PRR14L: variants seen among roughly 807,000 people sequenced by gnomAD.
PRR14L encodes the protein proline rich 14 like, also known as protein PRR14L.
Under a neutral mutation model 155.0 loss-of-function variants are expected in PRR14L, and 80 were observed. The ratio of observed to expected loss-of-function variants is 0.52; its 90% CI spans 0.43 to 0.62. The LOEUF is 0.62. Among genes scored for constraint, PRR14L ranks in the 20% least tolerant of loss-of-function variants. The pLI is 0.00. For synonymous variants in PRR14L, 883 were observed against 916.0 expected (o/e 0.96, Z 0.65); for missense variants, 2,469 against 2,548.0 (o/e 0.97, Z 0.67).
chr22:31,682,509 T>C lies in PRR14L; in HGVS notation c.*3018A>G, dbSNP rs1312384556. 1 of 150,962 alleles carries C rather than the reference T, an allele frequency of 6.6e-6. No individual in the cohort carries two copies. Among genetic ancestry groups the C allele is most frequent in the Non-Finnish European group, 1.5e-5 (1 of 67,876 alleles). 9.4% of individuals were successfully genotyped at this position (150,962 alleles called of 1,614,324 possible). A position where few individuals can be genotyped will look rare whatever the true frequency, so the allele number is the denominator to read the frequency against. ...AGGTACAGCTGAACTCATGGAGACATGAAGCTGGAAAGGAGACCAAAAGCA... is the reference window on the plus strand; with the variant it reads ...AGGTACAGCTGAACTCATGGAGACACGAAGCTGGAAAGGAGACCAAAAGCA... On this transcript the variant is annotated 3_prime_UTR_variant, in exon 9 of 9. Coordinates refer to ENST00000327423, the MANE Select transcript of PRR14L (RefSeq NM_173566.3).
chr22:31,749,574 TTATC>T (rs2074860696), intron 1 of PRR14L, among the ~76,000 whole-genome samples: 1 of 152,244 alleles, frequency 6.6e-6, no homozygotes, highest in South Asian at 2.1e-4. Context: ...CATTTAGGGG[TTATC>T]TTTTACTCCT....
chr22:31,746,655 T>C (rs141163319), intron 1 of PRR14L, among the ~76,000 whole-genome samples: 1 of 152,258 alleles, frequency 6.6e-6, no homozygotes, highest in Non-Finnish European at 1.5e-5. Flanking sequence ...GTGTAGGGAA[T>C]GGATTTATTC....
intron 3 of PRR14L, among the ~76,000 whole-genome samples, chr22:31,722,722 T>C (rs1431562935): frequency 2.0e-5 from 3 of 151,942 alleles, no homozygotes; most frequent in African/African-American, 7.2e-5. Context: ...TTAGTAGCGA[T>C]GGGGTTTCAC....
At chr22:31,688,259 G>A (rs993390144) in intron 7 of PRR14L, 32 bp from the exon 8 acceptor site, 23 of 1,536,226 alleles carry the variant, frequency 1.5e-5, no homozygotes, top group Non-Finnish European at 2.0e-5. Flanking sequence ...AATTCTTCAG[G>A]TTCTCTCTCT....
rs2074457921 is a variant in PRR14L at position 31,682,175 on chromosome 22, C to G, written c.*3352G>C. 1 of 152,252 alleles carries G rather than the reference C, an allele frequency of 6.6e-6. No individual in the cohort carries two copies. Among genetic ancestry groups the G allele is most frequent in the Non-Finnish European group, 1.5e-5 (1 of 68,078 alleles). 9.4% of individuals were successfully genotyped at this position (152,252 alleles called of 1,614,324 possible). The stretch of plus-strand genomic sequence containing the variant: ...CCCGTCCTGTACGCTCCCTGCTGCT[C>G]TTGGCTCAGTGGGCAAGGAAGGAGC... On this transcript the variant is annotated 3_prime_UTR_variant, in exon 9 of 9. Coordinates refer to ENST00000327423, the MANE Select transcript of PRR14L (RefSeq NM_173566.3).
Position 31,714,797 on chromosome 22 carries a change from A to G in PRR14L, c.3042T>C (p.Asp1014=), listed in dbSNP as rs2074645621. 1 of 1,552,256 alleles carries G rather than the reference A, an allele frequency of 6.4e-7. No homozygotes were observed. The highest frequency in any genetic ancestry group is 2.0e-5 in the Admixed American group (1 of 50,994). Residue 1014 remains aspartate, a synonymous_variant, in exon 4 of 9, where the codon GAT becomes GAC. Transcript: ENST00000327423. ...PHGEVNHNQK[D]LLVSSGSNNS... ...TATTACTGCCTGAGCTGACCAGCAG[A>G]TCCTTTTGGTTGTGGTTTACCTCCC...
intron 4 of PRR14L, among the ~76,000 whole-genome samples, chr22:31,711,749 A>C (rs1469839943): frequency 7.2e-6 from 1 of 139,536 alleles, no homozygotes; most frequent in Non-Finnish European, 1.5e-5. Flanking sequence ...GCACCACTGC[A>C]CTCCAGCCTG....
chr22:31,697,864 AAAAC>A (rs748241350), intron 7 of PRR14L, among the ~76,000 whole-genome samples: 55 of 151,292 alleles, frequency 3.6e-4, no homozygotes, highest in Middle Eastern at 3.4e-3. Flanking sequence ...ACCTTGTCAC[AAAAC>A]AAACAAACTG....
intron 4 of PRR14L, among the ~76,000 whole-genome samples, chr22:31,705,131 T>C (rs1012661749): frequency 3.3e-5 from 5 of 151,812 alleles, no homozygotes; most frequent in East Asian, 1.9e-4. Flanking sequence ...GGTGGTGGAG[T>C]GCACCTGTGG....
Position 31,738,874 on chromosome 22 carries a change from G to C in PRR14L, c.-14C>G, listed in dbSNP as rs1174995486. 2.7e-6 allele frequency: 4 copies of C among 1,479,310 alleles called. No individual in the cohort carries two copies. Among genetic ancestry groups the C allele is most frequent in the Non-Finnish European group, 2.7e-6 (3 of 1,098,362 alleles). 91.6% of individuals were successfully genotyped at this position (1,479,310 alleles called of 1,614,324 possible). ...AGATGACAGCATTAGGACAGATGCAGATTATGGAGTCAAGTCTTTTACATC... is the reference window on the plus strand; with the variant it reads ...AGATGACAGCATTAGGACAGATGCACATTATGGAGTCAAGTCTTTTACATC... On this transcript the variant is annotated 5_prime_UTR_variant, in exon 2 of 9. In the 5' UTR this introduces an upstream ATG that the reference lacks. Coordinates refer to ENST00000327423, the MANE Select transcript of PRR14L (RefSeq NM_173566.3).
intron 3 of PRR14L, 121 bp downstream of exon 3, chr22:31,725,417 T>G: frequency 1.5e-6 from 1 of 678,166 alleles, no homozygotes; most frequent in Non-Finnish European, 2.6e-6. Flanking sequence ...GTTTCTATAG[T>G]TAAGTACACC....
At chr22:31,743,820 C>A (rs967223233) in intron 1 of PRR14L, among the ~76,000 whole-genome samples, 1 of 150,306 alleles carries the variant, frequency 6.7e-6, no homozygotes, top group Non-Finnish European at 1.5e-5. Flanking sequence ...AAAAAAAGAA[C>A]CTGACCTTGA....
chr22:31,713,842 C>T lies in PRR14L; in HGVS notation c.3997G>A (p.Val1333Met), dbSNP rs1186836242. The change falls in exon 4 of 9, where the codon GTG becomes ATG. Residue 1333 changes from valine to methionine, a missense_variant. Transcript: ENST00000327423. ...LPLTVKTDIK[V>M]KGEETEEHQR... The stretch of plus-strand genomic sequence containing the variant: ...TGCTCTTCGGTTTCTTCTCCTTTCA[C>T]TTTAATATCTGTTTTCACTGTCAAA... 4 of 1,552,316 alleles carry T rather than the reference C, an allele frequency of 2.6e-6. No individual in the cohort carries two copies. In the South Asian group the frequency reaches 4.8e-5, roughly 18 times the overall value.
At position 31,713,965 on chromosome 22, in the gene PRR14L, T is replaced by C. The variant is rs1386897937; in HGVS notation, c.3874A>G (p.Ser1292Gly). Residue 1292 changes from serine (S) to glycine (G), a missense_variant, in exon 4 of 9, where the codon AGT (serine) becomes GGT (glycine). Ser to Gly is a moderately conservative substitution (Grantham distance 56). This residue lies in a region of PRR14L where 2,363 missense variants were observed against 2,371.6 expected (regional missense o/e 1.00). Transcript: ENST00000327423. ...ACGCTGTCTCTGTCACTAGAATTAC[T>C]CCAATCTCTTGATACTATTTCCTTC... ...EMKEIVSRDW[S>G]NSSDRDSVCT... 1.3e-6 allele frequency: 2 copies of C among 1,551,728 alleles called. No homozygotes were observed. The highest frequency in any genetic ancestry group is 1.7e-6 in the Non-Finnish European group (2 of 1,146,960).
At chr22:31,726,411 G>A (rs1285682373) in intron 2 of PRR14L, among the ~76,000 whole-genome samples, 2 of 151,814 alleles carry the variant, frequency 1.3e-5, no homozygotes, top group Non-Finnish European at 2.9e-5. Context: ...GACTACATGC[G>A]TGATCCACTG....
intron 2 of PRR14L, among the ~76,000 whole-genome samples, chr22:31,730,802 T>C (rs540479742): frequency 2.6e-5 from 4 of 152,320 alleles, no homozygotes; most frequent in African/African-American, 9.6e-5. Flanking sequence ...TCATTCCATA[T>C]ATATTAATTG....
At chr22:31,701,226 G>A (rs773907294) in intron 7 of PRR14L, among the ~76,000 whole-genome samples, 8 of 152,096 alleles carry the variant, frequency 5.3e-5, no homozygotes, top group Admixed American at 2.6e-4. Flanking sequence ...GACCTCAGGT[G>A]ATCTCCCCAC....
At chr22:31,731,081 G>A (rs774264267) in intron 2 of PRR14L, among the ~76,000 whole-genome samples, 24 of 151,950 alleles carry the variant, frequency 1.6e-4, no homozygotes, top group Admixed American at 7.9e-4. Flanking sequence ...AAATTGCTCC[G>A]GGCACATCTT....
rs1254898360 is a variant in PRR14L at position 31,713,813 on chromosome 22, C to G, written c.4026G>C (p.Gln1342His). Residue 1342 changes from glutamine to histidine, a missense_variant, in exon 4 of 9, where the codon CAG becomes CAC. Transcript: ENST00000327423. The stretch of plus-strand genomic sequence containing the variant: ...CAGTTAAGTAACCCAGTCGTCCCCT[C>G]TGATGCTCTTCGGTTTCTTCTCCTT... ...KVKGEETEEHQRGRLGYLTVG... is the reference protein window; with the variant it reads ...KVKGEETEEHHRGRLGYLTVG... 1 of 1,552,262 alleles carries G rather than the reference C, an allele frequency of 6.4e-7. No homozygotes were observed. The highest frequency in any genetic ancestry group is 8.7e-7 in the Non-Finnish European group (1 of 1,147,162).
Sources: gnomAD v4.1 joint callset for allele counts (sites outside exome capture counted in the v4.1 genomes callset) on GRCh38, gnomAD v4.1.1 for gene constraint, gnomAD v4.1.1 regional missense constraint, MANE v1.5 for transcripts, NCBI Gene and HGNC (gene_info 2026-07-23, HGNC 2026-07-21) for gene names.